Variants in LRRK1 observed in about 807,000 individuals in gnomAD.
LRRK1 encodes the protein leucine rich repeat kinase 1, also known as leucine-rich repeat serine/threonine-protein kinase 1.
A neutral mutation model predicts 209.1 loss-of-function variants in LRRK1; 113 were observed. The observed-to-expected ratio is 0.54, with a 90% CI of 0.46 to 0.63. LRRK1 has a LOEUF of 0.63. Ranked by LOEUF, LRRK1 falls within the 30% of genes least tolerant of loss-of-function variation. LRRK1 has a pLI of 0.00. For synonymous variants in LRRK1, 1,144 were observed against 1,099.7 expected (o/e 1.04, Z -0.80); for missense variants, 2,284 against 2,632.2 (o/e 0.87, Z 2.89).
intron 2 of LRRK1, among the ~76,000 whole-genome samples, chr15:100,967,061 T>A (rs2030511439): frequency 6.6e-6 from 1 of 152,212 alleles, no homozygotes; most frequent in Non-Finnish European, 1.5e-5. Context: ...CGGGTATTTG[T>A]TTAATTCTGA....
intron 1 of LRRK1, among the ~76,000 whole-genome samples, chr15:100,920,717 C>G (rs899909819): frequency 6.8e-6 from 1 of 147,480 alleles, no homozygotes; most frequent in Non-Finnish European, 1.5e-5. Context: ...TTCAGTTCCC[C>G]CTTCCTCCAT....
intron 20 of LRRK1, among the ~76,000 whole-genome samples, chr15:101,044,607 C>A (rs1470285142): frequency 2.0e-5 from 3 of 152,230 alleles, no homozygotes; most frequent in African/African-American, 4.8e-5. Context: ...ACCTTCTAAA[C>A]CTCTGCCCTC....
chr15:101,042,301 A>C (rs2034801145), intron 20 of LRRK1, among the ~76,000 whole-genome samples: 1 of 134,446 alleles, frequency 7.4e-6, no homozygotes, highest in East Asian at 2.2e-4. Context: ...TTCGATGTAG[A>C]ATTCTGGGTC....
rs374585529 is a variant in LRRK1 at position 101,067,280 on chromosome 15, T to C, written c.5870+539T>C. On this transcript the variant is annotated intron_variant, in intron 33 of 33. Coordinates refer to ENST00000388948, the MANE Select transcript of LRRK1 (RefSeq NM_024652.6). The stretch of plus-strand genomic sequence containing the variant: ...CTCTGTGAAGGTATGCTGGGCAGGG[T>C]GGCCTGTCCGGGACATGGTCTACAT... 9.0e-5 allele frequency: 41 copies of C among 456,196 alleles called. No individual in the cohort carries two copies. The East Asian group carries it at 1.9e-3, about 22-fold the overall frequency. 28.3% of individuals were successfully genotyped at this position (456,196 alleles called of 1,614,324 possible). A position where few individuals can be genotyped will look rare whatever the true frequency, so the allele number is the denominator to read the frequency against.
At position 101,057,990 on chromosome 15, in the gene LRRK1, C is replaced by T. The variant is rs1378059560; in HGVS notation, c.4528C>T (p.Arg1510Ter). The change falls in exon 29 of 34, where the codon CGA (arginine) becomes TGA (stop). Residue 1510 changes from arginine to a stop codon, truncating the protein, a stop_gained and splice_region_variant. Transcript: ENST00000388948. LOFTEE classifies it high-confidence loss of function. Reference sequence around the variant, plus strand: ...TCTTCTGGTGGCTTCTCTCCCTCAGCGACCGCTGGCCCTGTCGGTGGTGAG... The same window carrying T: ...TCTTCTGGTGGCTTCTCTCCCTCAGTGACCGCTGGCCCTGTCGGTGGTGAG... The part of the protein sequence containing the change: ...MECWDTKPEK[R>*]PLALSVVSQM... The T allele has an allele frequency of 4.3e-6, 7 of 1,613,894 alleles. No individual in the cohort carries two copies. In the Admixed American group the frequency reaches 6.7e-5, roughly 15 times the overall value.
At chr15:100,975,153 C>T (rs1414960221) in intron 3 of LRRK1, among the ~76,000 whole-genome samples, 1 of 152,218 alleles carries the variant, frequency 6.6e-6, no homozygotes, top group African/African-American at 2.4e-5. Flanking sequence ...GCGCTGTGCA[C>T]ACGAGCAGGT....
intron 2 of LRRK1, among the ~76,000 whole-genome samples, chr15:100,941,090 A>G (rs1287308559): frequency 6.6e-6 from 1 of 152,138 alleles, no homozygotes; most frequent in Non-Finnish European, 1.5e-5. Flanking sequence ...CTACATAAAG[A>G]GGAAACATAA....
At chr15:100,938,277 CT>C (rs113174782) in intron 2 of LRRK1, among the ~76,000 whole-genome samples, 26,854 of 151,932 alleles carry the variant, frequency 0.18, 4,922 homozygotes, top group African/African-American at 0.47. Context: ...CATGGGCAAT[CT>C]TTTTTTTAAC....
chr15:101,064,038 G>T (rs1462101553), intron 31 of LRRK1, among the ~76,000 whole-genome samples: 1 of 152,242 alleles, frequency 6.6e-6, no homozygotes, highest in Non-Finnish European at 1.5e-5. Context: ...CAGGGTGTCT[G>T]CCCCCTCCAA....
intron 2 of LRRK1, among the ~76,000 whole-genome samples, chr15:100,929,895 G>A (rs1444370020): frequency 3.3e-5 from 5 of 152,236 alleles, no homozygotes; most frequent in South Asian, 4.1e-4. Context: ...GGTGGCAGGC[G>A]AGGTGGCTGT....
chr15:101,053,289 C>G lies in LRRK1; in HGVS notation c.3923C>G (p.Ala1308Gly). 1.2e-6 allele frequency: 2 copies of G among 1,606,516 alleles called. No individual in the cohort carries two copies. Among genetic ancestry groups the G allele is most frequent in the Admixed American group, 3.3e-5 (2 of 60,032 alleles). ...MKNFSEFRQE[A>G]SMLHALQHPC... is the part of the protein sequence containing the mutation. ...AACTTCTCCGAGTTCCGGCAGGAGG[C>G]CAGCATGCTGCACGCGCTGCAGCAC... is the stretch of plus-strand genomic sequence containing the variant. Residue 1308 changes from alanine (A) to glycine (G), a missense_variant, in exon 26 of 34, where the codon GCC becomes GGC. Around this residue, in one of 6 missense-constraint regions of LRRK1, gnomAD observed 780 missense variants for 985.2 expected, o/e 0.79. Coordinates refer to ENST00000388948, the MANE Select transcript of LRRK1 (RefSeq NM_024652.6).
At chr15:100,955,454 A>G (rs550600198) in intron 2 of LRRK1, among the ~76,000 whole-genome samples, 2 of 152,272 alleles carry the variant, frequency 1.3e-5, no homozygotes, top group African/African-American at 2.4e-5. Context: ...ACAGAGACCA[A>G]TTGACTTCTT....
chr15:101,028,610 C>T (rs1012306571), intron 19 of LRRK1, among the ~76,000 whole-genome samples: 1 of 152,268 alleles, frequency 6.6e-6, no homozygotes, highest in Non-Finnish European at 1.5e-5. Flanking sequence ...GCAAATTTTT[C>T]ACCACTCAGC....
chr15:101,066,798 C>CTGG, intron 33 of LRRK1, 57 bp downstream of exon 33: 1 of 1,386,022 alleles, frequency 7.2e-7, no homozygotes, highest in Non-Finnish European at 1.0e-6. Context: ...CACAGAAGGC[C>CTGG]CTGCAGCCAG....
rs1455811720 is a variant in LRRK1 at position 101,065,912 on chromosome 15, C to A, written c.5475C>A (p.Gly1825=). The change falls in exon 32 of 34, where the codon GGC becomes GGA. Residue 1825 remains glycine, a synonymous_variant. Coordinates refer to ENST00000388948, the MANE Select transcript of LRRK1 (RefSeq NM_024652.6). ...GCATCATGTACAGTGAGGAGCTGGG[C>A]ACGCAGATCCTGATCCACCAGGAAT... ...DVSIMYSEEL[G]TQILIHQESL... 1 of 1,614,194 alleles carries A rather than the reference C, an allele frequency of 6.2e-7. No homozygotes were observed. Among genetic ancestry groups the A allele is most frequent in the Non-Finnish European group, 8.5e-7 (1 of 1,180,030 alleles).
rs1323910825 is a variant in LRRK1 at position 101,014,364 on chromosome 15, C to T, written c.1468C>T (p.Pro490Ser). The T allele has an allele frequency of 5.6e-6, 9 of 1,613,964 alleles. No individual in the cohort carries two copies. Among genetic ancestry groups the T allele is most frequent in the African/African-American group, 2.7e-5 (2 of 74,918 alleles). The part of the protein sequence containing the change: ...LQGNQLAALP[P>S]QEKWTCRQLK... ...GGGGAACCAGCTGGCGGCACTTCCA[C>T]CTCAAGAGAAGTGGACCTGCAGGCA... Residue 490 changes from proline to serine, a missense_variant, in exon 11 of 34, where the codon CCT becomes TCT. Around this residue, in one of 6 missense-constraint regions of LRRK1, gnomAD observed 494 missense variants for 522.1 expected, o/e 0.95. Transcript: ENST00000388948.
intron 29 of LRRK1, among the ~76,000 whole-genome samples, chr15:101,059,004 T>C (rs929655037): frequency 3.9e-5 from 6 of 152,186 alleles, no homozygotes; most frequent in African/African-American, 1.4e-4. Flanking sequence ...TCGCAGTTTC[T>C]CTTAGGTCAG....
chr15:101,001,077 C>G (rs1405766047), intron 6 of LRRK1, among the ~76,000 whole-genome samples: 1 of 152,156 alleles, frequency 6.6e-6, no homozygotes, highest in Non-Finnish European at 1.5e-5. Context: ...AGAAAACCCA[C>G]AATGAATATT....
Position 101,048,517 on chromosome 15 carries a change from T to C in LRRK1, c.3159T>C (p.Thr1053=), listed in dbSNP as rs2035213490. The change falls in exon 22 of 34, where the codon ACT becomes ACC. Residue 1053 remains threonine, a synonymous_variant. Coordinates refer to ENST00000388948, the MANE Select transcript of LRRK1 (RefSeq NM_024652.6). ...DLQLFENKKN[T]KSRNRKVTIY... is the part of the protein sequence containing the mutation. ...AGCTTTTTGAAAACAAGAAGAATAC[T>C]AAAAGCAGGAACAGGAAAGTCACCA... The C allele has an allele frequency of 1.9e-6, 3 of 1,601,570 alleles. No individual in the cohort carries two copies. The highest frequency in any genetic ancestry group is 1.8e-5 in the Admixed American group (1 of 56,400).
Sources: allele counts gnomAD v4.1 joint callset (sites outside exome capture counted in the v4.1 genomes callset), GRCh38; gene constraint gnomAD v4.1.1; regional missense constraint gnomAD v4.1.1; transcripts MANE v1.5; gene names NCBI Gene and HGNC (gene_info 2026-07-23, HGNC 2026-07-21).